The following MGP variants were observed in gnomAD, a reference collection of about 807,000 sequenced individuals.
MGP encodes cell growth-inhibiting gene 36 protein.
Under a neutral mutation model 14.5 loss-of-function variants are expected in MGP, and 13 were observed. That is an observed-to-expected ratio of 0.89 (90% CI 0.58 to 1.42). The LOEUF is 1.42. Among genes scored for constraint, MGP ranks in the 40% most tolerant of loss-of-function variants. The pLI is 0.00. For missense variants in MGP, 128 were observed against 133.7 expected (o/e 0.96, Z 0.21); for synonymous variants, 44 against 46.3 (o/e 0.95, Z 0.20).
rs1405917493 is a variant in MGP at position 14,883,800 on chromosome 12, A to G, written c.94+413T>C. 1.0e-4 allele frequency: 17 copies of G among 165,932 alleles called. 1 individual carries two copies. Among genetic ancestry groups the G allele is most frequent in the Non-Finnish European group, 2.1e-4 (16 of 77,404 alleles). The allele number at this position is 165,932 out of a possible 1,614,324, so 10.3% of individuals were successfully genotyped here. On this transcript the variant is annotated intron_variant, in intron 2 of 3. Coordinates refer to ENST00000539261, the MANE Select transcript of MGP (RefSeq NM_000900.5). ...GGCGACAGAGTGAGACACTGTCTCA[A>G]AAAAAAAAACAAGAAAGAAAAACAC...
At chr12:14,883,100 T>C (rs1490191269) in intron 2 of MGP, 53 bp from the exon 3 acceptor site, 1 of 1,324,884 alleles carries the variant, frequency 7.5e-7, no homozygotes, top group Admixed American at 1.7e-5. Context: ...GCTGGAAATA[T>C]TTCCGTGAAT....
At chr12:14,882,626 C>T (rs1246587322) in intron 3 of MGP, among the ~76,000 whole-genome samples, 1 of 151,258 alleles carries the variant, frequency 6.6e-6, no homozygotes, top group Non-Finnish European at 1.5e-5. Context: ...CACTATAATC[C>T]AGTCTGGGCA....
chr12:14,885,795 T>C lies in MGP; in HGVS notation c.-4A>G. On this transcript the variant is annotated 5_prime_UTR_variant, in exon 1 of 4. Coordinates refer to ENST00000539261, the MANE Select transcript of MGP (RefSeq NM_000900.5). ...CAAGAAGGATCAGGCTCTTCATGGTTTCGTCCTGCAGGTCAGTCTCAGGGT... is the reference window on the plus strand; with the variant it reads ...CAAGAAGGATCAGGCTCTTCATGGTCTCGTCCTGCAGGTCAGTCTCAGGGT... 6.2e-7 allele frequency: 1 copy of C among 1,613,656 alleles called. No homozygotes were observed. Among genetic ancestry groups the C allele is most frequent in the Non-Finnish European group, 8.5e-7 (1 of 1,179,648 alleles).
chr12:14,884,913 A>T (rs1041704645), intron 1 of MGP: 1 of 1,521,442 alleles, frequency 6.6e-7, no homozygotes, highest in African/African-American at 1.4e-5. Flanking sequence ...AAATTTTGGA[A>T]TAAGAAGCTT....
At chr12:14,882,796 C>T (rs1863395172) in intron 3 of MGP, among the ~76,000 whole-genome samples, 176 bp downstream of exon 3, 1 of 150,616 alleles carries the variant, frequency 6.6e-6, no homozygotes, top group Non-Finnish European at 1.5e-5. Flanking sequence ...CCGGATCTTT[C>T]CCCAAATAAT....
Position 14,882,237 on chromosome 12 carries a change from C to A in MGP, c.214G>T (p.Ala72Ser), listed in dbSNP as rs1863385401. 1 of 1,613,976 alleles carries A rather than the reference C, an allele frequency of 6.2e-7. No homozygotes were observed. Among genetic ancestry groups the A allele is most frequent in the South Asian group, 1.1e-5 (1 of 91,080 alleles). ...TCGCAAAGTCTGTAGTCATCACAGG[C>A]TTCCCTATTGAGCTCGTGGACAGGC... ...SKPVHELNRE[A>S]CDDYRLCERY... Residue 72 changes from alanine (A) to serine (S), a missense_variant, in exon 4 of 4, where the codon GCC (alanine) becomes TCC (serine). Physicochemically the swap from Ala to Ser is moderately conservative, Grantham distance 99. Coordinates refer to ENST00000539261, the MANE Select transcript of MGP (RefSeq NM_000900.5).
chr12:14,883,211 A>G, intron 2 of MGP, 164 bp from the exon 3 acceptor site: 1 of 633,002 alleles, frequency 1.6e-6, no homozygotes, highest in Non-Finnish European at 2.9e-6. Flanking sequence ...GATTTCATTA[A>G]CTTCCTGATC....
rs1863376822 is a variant in MGP, at chr12:14,881,842, A to G, written c.*297T>C. Reference sequence around the variant, plus strand: ...TCTCCTATTTTGGGTAAGGTGGGCCATGATTTAAATATCTCAATATCTTCC... The same window carrying G: ...TCTCCTATTTTGGGTAAGGTGGGCCGTGATTTAAATATCTCAATATCTTCC... On this transcript the variant is annotated 3_prime_UTR_variant, in exon 4 of 4. Transcript: ENST00000539261. The G allele has an allele frequency of 2.7e-6, 1 of 377,144 alleles. No homozygotes were observed. Among genetic ancestry groups the G allele is most frequent in the African/African-American group, 2.1e-5 (1 of 48,506 alleles). 23.4% of individuals were successfully genotyped at this position (377,144 alleles called of 1,614,324 possible).
chr12:14,881,216 A>T lies in MGP; in HGVS notation c.*923T>A, dbSNP rs909579586. On this transcript the variant is annotated 3_prime_UTR_variant, in exon 4 of 4. Coordinates refer to ENST00000539261, the MANE Select transcript of MGP (RefSeq NM_000900.5). ...TTTTCTTTTTTATTTTTCTGTAGAG[A>T]CAGAGTCTCACTCTGTTTCACAGGC... 1.3e-5 allele frequency: 2 copies of T among 152,140 alleles called. No homozygotes were observed. The highest frequency in any genetic ancestry group is 2.9e-5 in the Non-Finnish European group (2 of 68,028). 9.4% of individuals were successfully genotyped at this position (152,140 alleles called of 1,614,324 possible).
At position 14,881,237 on chromosome 12, in the gene MGP, C is replaced by G. The variant is rs1161268480; in HGVS notation, c.*902G>C. ...AGAGACAGAGTCTCACTCTGTTTCA[C>G]AGGCTGGAGTGCATTGGTATGGTCA... On this transcript the variant is annotated 3_prime_UTR_variant, in exon 4 of 4. Transcript: ENST00000539261. 1 of 152,130 alleles carries G rather than the reference C, an allele frequency of 6.6e-6. No homozygotes were observed. Among genetic ancestry groups the G allele is most frequent in the Non-Finnish European group, 1.5e-5 (1 of 68,030 alleles). 9.4% of individuals were successfully genotyped at this position (152,130 alleles called of 1,614,324 possible).
intron 1 of MGP, 134 bp downstream of exon 1, chr12:14,885,597 A>G: frequency 1.4e-6 from 1 of 736,932 alleles, no homozygotes; most frequent in Admixed American, 2.0e-5. Flanking sequence ...AGACTGGGAA[A>G]TGTGAAAGTA....
chr12:14,884,900 G>C (rs931755301), intron 1 of MGP: 1 of 1,529,280 alleles, frequency 6.5e-7, no homozygotes, highest in Non-Finnish European at 8.7e-7. Context: ...GAGCACAGCA[G>C]ATAAATTTTG....
intron 1 of MGP, chr12:14,884,762 C>G (rs1863420372): frequency 6.7e-7 from 1 of 1,490,280 alleles, no homozygotes. Context: ...TCTTAAGAAC[C>G]TGTGTTAAAT....
chr12:14,885,559 A>G (rs552869571), intron 1 of MGP, among the ~76,000 whole-genome samples, 172 bp downstream of exon 1: 10 of 152,348 alleles, frequency 6.6e-5, no homozygotes, highest in Admixed American at 2.6e-4. Context: ...TATAAAAAAG[A>G]CTTAATAGAA....
At chr12:14,885,146 T>C (rs1863425432) in intron 1 of MGP, among the ~76,000 whole-genome samples, 1 of 152,200 alleles carries the variant, frequency 6.6e-6, no homozygotes, top group Non-Finnish European at 1.5e-5. Flanking sequence ...TTATAAGCTT[T>C]GAACAAATGC....
intron 2 of MGP, 51 bp downstream of exon 2, chr12:14,884,162 G>T (rs1268941781): frequency 7.5e-7 from 1 of 1,340,430 alleles, no homozygotes; most frequent in South Asian, 1.3e-5. Context: ...AAAATAAGAA[G>T]AGGTTCTTTA....
rs750737324 is a variant in MGP at position 14,885,826 on chromosome 12, G to A, written c.-35C>T. 9 of 1,585,038 alleles carry A rather than the reference G, an allele frequency of 5.7e-6. No homozygotes were observed. The Admixed American group carries it at 1.5e-4, about 26-fold the overall frequency. On this transcript the variant is annotated 5_prime_UTR_variant, in exon 1 of 4. Transcript: ENST00000539261. ...CTGCAGGTCAGTCTCAGGGTCTTGT[G>A]TAGCAGCAGTAGGGAGAGAGGCTCC... is the stretch of plus-strand genomic sequence containing the variant.
At chr12:14,884,127 T>C (rs1863412636) in intron 2 of MGP, 86 bp downstream of exon 2, 2 of 1,118,564 alleles carry the variant, frequency 1.8e-6, no homozygotes, top group Non-Finnish European at 2.6e-6. Flanking sequence ...CTCCCTGTTA[T>C]ATATCTTTCC....
rs1295807536 is a variant in MGP, at chr12:14,882,166, G to A, written c.285C>T (p.Tyr95=). The A allele has an allele frequency of 1.2e-6, 2 of 1,613,938 alleles. No homozygotes were observed. Among genetic ancestry groups the A allele is most frequent in the Non-Finnish European group, 1.7e-6 (2 of 1,179,982 alleles). ...ATTTGGTCCCTCGGCGCTTCCTGAAGTAGCGATTATAGGCAGCATTGTATC... is the reference window on the plus strand; with the variant it reads ...ATTTGGTCCCTCGGCGCTTCCTGAAATAGCGATTATAGGCAGCATTGTATC... ...VYGYNAAYNR[Y]FRKRRGTK The change falls in exon 4 of 4, where the codon TAC becomes TAT. Residue 95 remains tyrosine (Y), a synonymous_variant. Transcript: ENST00000539261.
Sources: gnomAD v4.1 joint callset for allele counts (sites outside exome capture counted in the v4.1 genomes callset) on GRCh38, gnomAD v4.1.1 for gene constraint, MANE v1.5 for transcripts, NCBI Gene and HGNC (gene_info 2026-07-23, HGNC 2026-07-21) for gene names.